Variants in ARSH observed in about 807,000 individuals in gnomAD.
ARSH encodes arylsulfatase H.
In ARSH, 32 loss-of-function variants were observed where a neutral mutation model predicts 28.7. The ratio of observed to expected loss-of-function variants is 1.11; its 90% CI spans 0.84 to 1.50. ARSH has a LOEUF of 1.50. Ranked by LOEUF, ARSH falls within the 40% of genes most tolerant of loss-of-function variation. The pLI, the probability that ARSH is intolerant of heterozygous loss-of-function variation, is 0.00. For synonymous variants in ARSH, 176 were observed against 177.3 expected (o/e 0.99, Z 0.06); for missense variants, 440 against 452.4 (o/e 0.97, Z 0.25).
chrX:3,027,379 T>C lies in ARSH; in HGVS notation c.1103T>C (p.Val368Ala), dbSNP rs1409642401. ...RVPGIFRWPSVLEAGRVINEP... is the reference protein window; with the variant it reads ...RVPGIFRWPSALEAGRVINEP... Reference sequence around the variant, plus strand: ...CCAGGGATATTCCGGTGGCCGTCAGTCTTGGAGGCTGGGAGAGTGATCAAT... The same window carrying C: ...CCAGGGATATTCCGGTGGCCGTCAGCCTTGGAGGCTGGGAGAGTGATCAAT... Residue 368 changes from valine (V) to alanine (A), a missense_variant, in exon 7 of 9, where the codon GTC becomes GCC. Val to Ala is a moderately conservative substitution (Grantham distance 64). Coordinates refer to ENST00000381130, the MANE Select transcript of ARSH (RefSeq NM_001011719.2). 7 of 1,209,436 alleles carry C rather than the reference T, an allele frequency of 5.8e-6. No individual in the cohort carries two copies. The highest frequency in any genetic ancestry group is 7.8e-6 in the Non-Finnish European group (7 of 894,916).
chrX:3,011,813 T>A (rs1182296930), intron 2 of ARSH, among the ~76,000 whole-genome samples: 2 of 111,554 alleles, frequency 1.8e-5, no homozygotes, highest in Admixed American at 9.6e-5. Flanking sequence ...AGAGTCTACT[T>A]TCTTCTTCTT....
chrX:3,033,226 G>A lies in ARSH; in HGVS notation c.1530G>A (p.Met510Ile). 8.3e-7 allele frequency: 1 copy of A among 1,211,618 alleles called. No homozygotes were observed. Among genetic ancestry groups the A allele is most frequent in the Non-Finnish European group, 1.1e-6 (1 of 895,490 alleles). Reference sequence around the variant, plus strand: ...TATTTGACTCCGTGATCAAAAAGATGGAGGCAGCCATAAGAGAGCATCGTA... The same window carrying A: ...TATTTGACTCCGTGATCAAAAAGATAGAGGCAGCCATAAGAGAGCATCGTA... Reference protein sequence around the residue: ...EPLFDSVIKKMEAAIREHRRT... With the variant: ...EPLFDSVIKKIEAAIREHRRT... The change falls in exon 9 of 9, where the codon ATG becomes ATA. Residue 510 changes from methionine (M) to isoleucine (I), a missense_variant. Physicochemically the swap from Met to Ile is conservative, Grantham distance 10. Coordinates refer to ENST00000381130, the MANE Select transcript of ARSH (RefSeq NM_001011719.2).
chrX:3,021,078 C>T (rs762825289), intron 5 of ARSH, among the ~76,000 whole-genome samples: 6 of 110,391 alleles, frequency 5.4e-5, no homozygotes, highest in Non-Finnish European at 7.6e-5. Context: ...TCCTTGGTAA[C>T]GAAATACAAA....
chrX:3,017,179 A>T (rs1259492896), intron 4 of ARSH, among the ~76,000 whole-genome samples: 1 of 111,384 alleles, frequency 9.0e-6, no homozygotes, highest in Non-Finnish European at 1.9e-5. Flanking sequence ...TTTTGGGAAT[A>T]TATTCAATCT....
intron 6 of ARSH, among the ~76,000 whole-genome samples, chrX:3,025,546 CTA>C (rs34062456): frequency 1.9e-5 from 2 of 103,570 alleles, no homozygotes; most frequent in African/African-American, 3.5e-5. Flanking sequence ...ACACATAATC[CTA>C]TATATATATT....
intron 5 of ARSH, among the ~76,000 whole-genome samples, chrX:3,023,033 A>G (rs1221885253): frequency 9.2e-6 from 1 of 108,953 alleles, no homozygotes; most frequent in Non-Finnish European, 1.9e-5. Context: ...AGATTTTATT[A>G]TATATTCAAT....
Position 3,033,028 on chromosome X carries a change from G to A in ARSH, c.1332G>A (p.Val444=). ...VRWHQKDCAT[V]WKAHYVTPKF... ...CAACTTGTTTTTTAGGTGCAACTGT[G>A]TGGAAAGCTCATTATGTGACTCCTA... The change falls in exon 9 of 9, where the codon GTG becomes GTA. Residue 444 remains valine, a synonymous_variant. Transcript: ENST00000381130. 1 of 1,207,798 alleles carries A rather than the reference G, an allele frequency of 8.3e-7. No homozygotes were observed. The highest frequency in any genetic ancestry group is 1.1e-6 in the Non-Finnish European group (1 of 893,048).
chrX:3,033,160 C>T lies in ARSH; in HGVS notation c.1464C>T (p.Asp488=), dbSNP rs138062899. The change falls in exon 9 of 9, where the codon GAC becomes GAT. Residue 488 remains aspartate (D), a synonymous_variant. Coordinates refer to ENST00000381130, the MANE Select transcript of ARSH (RefSeq NM_001011719.2). ...CACTCCTCTTTGACATCTCAAGAGA[C>T]CCTTCAGAAGCCCTTCCACTGAACC... ...DPPLLFDISR[D]PSEALPLNPD... The T allele has an allele frequency of 9.1e-6, 11 of 1,209,273 alleles. No individual in the cohort carries two copies. The highest frequency in any genetic ancestry group is 1.2e-5 in the Non-Finnish European group (11 of 895,088).
chrX:3,017,238 A>C (rs779546511), intron 4 of ARSH, among the ~76,000 whole-genome samples: 4 of 111,286 alleles, frequency 3.6e-5, no homozygotes, highest in Non-Finnish European at 7.5e-5. Context: ...TGTGTAAAGG[A>C]GTAGCTTTAG....
intron 5 of ARSH, among the ~76,000 whole-genome samples, chrX:3,020,327 C>T (rs1403188922): frequency 2.0e-5 from 2 of 99,774 alleles, no homozygotes; most frequent in Non-Finnish European, 4.0e-5. Context: ...CGGTGGCTCA[C>T]GCCTGTAATC....
At chrX:3,024,410 C>T (rs1234464050) in intron 6 of ARSH, among the ~76,000 whole-genome samples, 1 of 110,720 alleles carries the variant, frequency 9.0e-6, no homozygotes, top group Non-Finnish European at 1.9e-5. Context: ...GCAGATGTCC[C>T]AGCCTCCGCA....
chrX:3,021,214 G>C (rs1043667751), intron 5 of ARSH, among the ~76,000 whole-genome samples: 4 of 110,612 alleles, frequency 3.6e-5, no homozygotes, highest in African/African-American at 9.8e-5. Flanking sequence ...TTAGTCAAAG[G>C]ACAGTTTCCC....
At chrX:3,020,588 C>CAAAAAAAAAAAAAA in intron 5 of ARSH, among the ~76,000 whole-genome samples, 1 of 44,337 alleles carries the variant, frequency 2.3e-5, no homozygotes, top group Admixed American at 3.9e-4. Flanking sequence ...GACTCAGTCT[C>CAAAAAAAAAAAAAA]AAAAAAAAAA....
chrX:3,027,362 A>G lies in ARSH; in HGVS notation c.1086A>G (p.Ile362Met), dbSNP rs2089901725. 8.3e-7 allele frequency: 1 copy of G among 1,211,530 alleles called. No homozygotes were observed. The highest frequency in any genetic ancestry group is 1.7e-5 in the African/African-American group (1 of 57,787). The change falls in exon 7 of 9, where the codon ATA (isoleucine) becomes ATG (methionine). Residue 362 changes from isoleucine (I) to methionine (M), a missense_variant. Transcript: ENST00000381130. ...GWEGGIRVPG[I>M]FRWPSVLEAG... The stretch of plus-strand genomic sequence containing the variant: ...AAGGAGGTATCCGTGTGCCAGGGAT[A>G]TTCCGGTGGCCGTCAGTCTTGGAGG...
At chrX:3,022,439 C>T (rs144636404) in intron 5 of ARSH, among the ~76,000 whole-genome samples, 78 of 111,767 alleles carry the variant, frequency 7.0e-4, no homozygotes, top group African/African-American at 2.1e-3. Flanking sequence ...ACTGAGTTTA[C>T]GTATAAACAG....
chrX:3,022,364 A>C (rs753066126), intron 5 of ARSH, among the ~76,000 whole-genome samples: 63 of 112,206 alleles, frequency 5.6e-4, no homozygotes, highest in Non-Finnish European at 9.6e-4. Context: ...CCTGGGCTTT[A>C]AAATATCTTA....
chrX:3,007,302 C>G (rs1476843103), intron 1 of ARSH, among the ~76,000 whole-genome samples: 1 of 107,749 alleles, frequency 9.3e-6, no homozygotes, highest in Non-Finnish European at 1.9e-5. Flanking sequence ...AATTCAGTGG[C>G]ATTTGGTACA....
At chrX:3,013,220 C>A in intron 3 of ARSH, 48 bp downstream of exon 3, 1 of 1,175,962 alleles carries the variant, frequency 8.5e-7, no homozygotes. Flanking sequence ...TGCAGCCTCT[C>A]TGTCATCGTG....
intron 1 of ARSH, among the ~76,000 whole-genome samples, chrX:3,008,586 G>A (rs1012707818): frequency 1.4e-4 from 14 of 100,135 alleles, no homozygotes; most frequent in African/African-American, 5.2e-4. Flanking sequence ...ATCTCATTCT[G>A]TCATCCAGAC....
Sources: gnomAD v4.1 joint callset for allele counts (sites outside exome capture counted in the v4.1 genomes callset) on GRCh38, gnomAD v4.1.1 for gene constraint, MANE v1.5 for transcripts, NCBI Gene and HGNC (gene_info 2026-07-23, HGNC 2026-07-21) for gene names.